ZNF536: variants seen among roughly 807,000 people sequenced by gnomAD.
ZNF536 encodes the protein zinc finger protein 536.
In ZNF536, 13 loss-of-function variants were observed where a neutral mutation model predicts 84.5. The ratio of observed to expected loss-of-function variants is 0.15; its 90% CI spans 0.10 to 0.24. The LOEUF (loss-of-function observed/expected upper bound fraction) is 0.24. ZNF536 is among the 10% of genes least tolerant of loss of function. ZNF536 has a pLI of 1.00. For missense variants in ZNF536, 1,536 were observed against 1,747.5 expected (o/e 0.88, Z 2.16); for synonymous variants, 811 against 742.5 (o/e 1.09, Z -1.50).
intron 1 of ZNF536, among the ~76,000 whole-genome samples, chr19:30,234,744 T>TAC (rs111232052): frequency 0.098 from 14,515 of 147,644 alleles, 716 homozygotes; most frequent in Middle Eastern, 0.19. Context: ...ATTACTAAAT[T>TAC]ACACACACAC....
At chr19:30,536,325 G>A (rs1568527506) in intron 3 of ZNF536, among the ~76,000 whole-genome samples, 1 of 152,166 alleles carries the variant, frequency 6.6e-6, no homozygotes, top group South Asian at 2.1e-4. Flanking sequence ...GGTCCCTGGG[G>A]ACTTAGCTTT....
chr19:30,689,087 C>T (rs142818505), intron 1 of ZNF536, among the ~76,000 whole-genome samples: 2 of 152,238 alleles, frequency 1.3e-5, no homozygotes, highest in Non-Finnish European at 2.9e-5. Context: ...GAGGCACTAG[C>T]CTGAGCCCCT....
Position 30,444,417 on chromosome 19 carries a change from G to A in ZNF536, c.855G>A (p.Lys285=), listed in dbSNP as rs2148182760. The A allele has an allele frequency of 6.2e-7, 1 of 1,608,088 alleles. No individual in the cohort carries two copies. Among genetic ancestry groups the A allele is most frequent in the Non-Finnish European group, 8.5e-7 (1 of 1,179,832 alleles). The change falls in exon 2 of 5, where the codon AAG becomes AAA. Residue 285 remains lysine, a synonymous_variant. Transcript: ENST00000355537. ...RCTFCKGKFK[K]REELDRHIRI... ...CCTTCTGCAAGGGCAAGTTCAAGAA[G>A]CGCGAGGAGCTGGACCGCCACATCC...
intron 3 of ZNF536, among the ~76,000 whole-genome samples, chr19:30,546,704 G>T (rs1016849570): frequency 6.6e-6 from 1 of 152,242 alleles, no homozygotes; most frequent in African/African-American, 2.4e-5. Context: ...CAGAGGAAGG[G>T]GAGGGGGAAT....
At chr19:30,460,557 C>G (rs1287607783) in intron 2 of ZNF536, among the ~76,000 whole-genome samples, 1 of 152,170 alleles carries the variant, frequency 6.6e-6, no homozygotes, top group African/African-American at 2.4e-5. Flanking sequence ...GCCACTTTCT[C>G]CAGGAGTCCA....
chr19:30,306,388 C>G (rs2046344885), intron 2 of ZNF536, among the ~76,000 whole-genome samples: 1 of 152,132 alleles, frequency 6.6e-6, no homozygotes, highest in Non-Finnish European at 1.5e-5. Flanking sequence ...AGATTATTCT[C>G]TTTTCTCTGC....
At chr19:30,354,321 C>G (rs1043892939) in intron 3 of ZNF536, among the ~76,000 whole-genome samples, 1 of 152,306 alleles carries the variant, frequency 6.6e-6, no homozygotes, top group East Asian at 1.9e-4. Flanking sequence ...ACAGTAGCTC[C>G]AGCCTCATCA....
Position 30,476,404 on chromosome 19 carries a change from G to A in ZNF536, c.2170+30672G>A, listed in dbSNP as rs559034813. ...TTTTTAAGTAGGTAAACAATTGTAG[G>A]TAATTTAATTTGTCTGTTAATGGCG... is the stretch of plus-strand genomic sequence containing the variant. On this transcript the variant is annotated intron_variant, in intron 2 of 4. Transcript: ENST00000355537. 2.6e-5 allele frequency among the ~76,000 whole-genome samples: 4 copies of A among 152,282 alleles called. No individual in the cohort carries two copies. In the East Asian group the frequency reaches 7.7e-4, roughly 29 times the overall value.
intron 1 of ZNF536, among the ~76,000 whole-genome samples, chr19:30,270,825 G>A (rs562265066): frequency 4.0e-5 from 6 of 151,608 alleles, no homozygotes; most frequent in Non-Finnish European, 8.8e-5. Context: ...TTCTTTGAAA[G>A]GATGGAGACC....
At chr19:30,660,162 C>T (rs1250939779) in intron 1 of ZNF536, among the ~76,000 whole-genome samples, 1 of 152,162 alleles carries the variant, frequency 6.6e-6, no homozygotes, top group African/African-American at 2.4e-5. Context: ...TGGAGACCTG[C>T]AGATCTGGTT....
intron 2 of ZNF536, among the ~76,000 whole-genome samples, chr19:30,322,930 G>A: frequency 6.6e-6 from 1 of 152,190 alleles, no homozygotes; most frequent in Non-Finnish European, 1.5e-5. Flanking sequence ...GAGGCTCAAA[G>A]CATGATAGTT....
intron 2 of ZNF536, among the ~76,000 whole-genome samples, chr19:30,505,670 G>A (rs1178319310): frequency 6.6e-6 from 1 of 151,988 alleles, no homozygotes; most frequent in Non-Finnish European, 1.5e-5. Context: ...GATAGCATAA[G>A]TCTGTATGTT....
intron 1 of ZNF536, among the ~76,000 whole-genome samples, chr19:30,279,000 C>T (rs556962094): frequency 2.0e-5 from 3 of 152,178 alleles, no homozygotes; most frequent in African/African-American, 4.8e-5. Context: ...ATACCCAGGC[C>T]GCAGGGAATG....
chr19:30,463,206 C>T (rs2053235397), intron 2 of ZNF536, among the ~76,000 whole-genome samples: 2 of 152,082 alleles, frequency 1.3e-5, no homozygotes, highest in African/African-American at 4.8e-5. Flanking sequence ...GATTTGACCT[C>T]CCCCAAGGAC....
chr19:30,444,133 C>T lies in ZNF536; in HGVS notation c.571C>T (p.Arg191Cys), dbSNP rs2148170173. 4 of 1,606,962 alleles carry T rather than the reference C, an allele frequency of 2.5e-6. No individual in the cohort carries two copies. The highest frequency in any genetic ancestry group is 3.4e-6 in the Non-Finnish European group (4 of 1,177,194). Residue 191 changes from arginine (R) to cysteine (C), a missense_variant, in exon 2 of 5, where the codon CGT (arginine) becomes TGT (cysteine). By Grantham distance (180) the Arg-to-Cys change is radical. Transcript: ENST00000355537. ...KLGNLGKGRG[R>C]VREENRLLHE... The stretch of plus-strand genomic sequence containing the variant: ...GGGCAACCTGGGCAAGGGGCGTGGG[C>T]GTGTGCGCGAGGAGAACCGCCTGCT...
At chr19:30,566,005 A>T (rs1419582705) in intron 1 of ZNF536, among the ~76,000 whole-genome samples, 1 of 152,182 alleles carries the variant, frequency 6.6e-6, no homozygotes, top group Admixed American at 6.5e-5. Flanking sequence ...GACCACCAAC[A>T]AACAGAAAAA....
In ZNF536 at chr19:30,264,966, T is replaced by TGTGTGTGTGTGTGAGAGAGA. The variant is rs59889852; in HGVS notation, c.-189-19105_-189-19104insTGTGTGTGTGTGAGAGAGAG. Among the ~76,000 whole-genome samples the TGTGTGTGTGTGTGAGAGAGA allele has an allele frequency of 2.2e-3, 291 of 133,836 alleles. 1 individual carries two copies. Among genetic ancestry groups the TGTGTGTGTGTGTGAGAGAGA allele is most frequent in the South Asian group, 4.3e-3 (16 of 3,764 alleles). The allele number at this position is 133,836 out of a possible 152,430, so 87.8% of individuals were successfully genotyped here. On this transcript the variant is annotated intron_variant, in intron 1 of 5. Transcript: ENST00000585628. ...GTGTGTGTGTGTGTGTGTGTGTGTGTGAGAGAGAGAGAGAGAAAGAGAGAT... is the reference window on the plus strand; with the variant it reads ...GTGTGTGTGTGTGTGTGTGTGTGTGTGTGTGTGTGTGTGAGAGAGAGAGAGAGAGAGAGAGAAAGAGAGAT...
At chr19:30,348,160 G>A (rs1019100914) in intron 2 of ZNF536, among the ~76,000 whole-genome samples, 1 of 152,074 alleles carries the variant, frequency 6.6e-6, no homozygotes, top group African/African-American at 2.4e-5. Context: ...ATGCCCTTAT[G>A]CATTCATTCA....
chr19:30,475,813 G>T (rs2053822409), intron 2 of ZNF536, among the ~76,000 whole-genome samples: 1 of 152,116 alleles, frequency 6.6e-6, no homozygotes, highest in East Asian at 1.9e-4. Context: ...CTTGATGAGG[G>T]GTCCCCCTTT....
Sources: allele counts gnomAD v4.1 joint callset (sites outside exome capture counted in the v4.1 genomes callset), GRCh38; gene constraint gnomAD v4.1.1; transcripts MANE v1.5; gene names NCBI Gene and HGNC (gene_info 2026-07-23, HGNC 2026-07-21).